The following OTOR variants were observed in gnomAD, a reference collection of about 807,000 sequenced individuals.
The protein encoded by OTOR is fibrocyte-derived protein.
In OTOR, 20 loss-of-function variants were observed where a neutral mutation model predicts 15.9. That is an observed-to-expected ratio of 1.26 (90% CI 0.89 to 1.83). The LOEUF (loss-of-function observed/expected upper bound fraction) is 1.83. Ranked by LOEUF, OTOR falls within the 40% of genes most tolerant of loss-of-function variation. The pLI is 0.00. For synonymous variants in OTOR, 53 were observed against 54.2 expected, an observed-to-expected ratio of 0.98 and a Z score of 0.09; for missense variants, 184 against 159.0, an observed-to-expected ratio of 1.16 and a Z score of -0.85.
At position 16,751,172 on chromosome 20, in the gene OTOR, C is replaced by A. The variant is rs2072526969; in HGVS notation, c.*54C>A. The A allele has an allele frequency of 2.4e-6, 3 of 1,258,334 alleles. No homozygotes were observed. Among genetic ancestry groups the A allele is most frequent in the Non-Finnish European group, 2.2e-6 (2 of 904,118 alleles). The allele number at this position is 1,258,334 out of a possible 1,614,324, so 77.9% of individuals were successfully genotyped here. A position where few individuals can be genotyped will look rare whatever the true frequency, so the allele number is the denominator to read the frequency against. The stretch of plus-strand genomic sequence containing the variant: ...AAAACACCAAAAATAAAGAAAAGAG[C>A]AAAAGTGGCCAAAAAATGCATGTCT... On this transcript the variant is annotated 3_prime_UTR_variant, in exon 4 of 4. Transcript: ENST00000246081.
Position 16,750,011 on chromosome 20 carries a change from G to A in OTOR, c.363+1G>A, listed in dbSNP as rs1483335937. 3 of 1,595,086 alleles carry A rather than the reference G, an allele frequency of 1.9e-6. No homozygotes were observed. The highest frequency in any genetic ancestry group is 1.1e-5 in the South Asian group (1 of 90,492). ...AGCTACCAAGGAAGTTCCCACCACG[G>A]TAAGCATCTCAAAAGTGACTAGACA... is the stretch of plus-strand genomic sequence containing the variant. On this transcript the variant is annotated splice_donor_variant, in intron 3 of 3. Coordinates refer to ENST00000246081, the MANE Select transcript of OTOR (RefSeq NM_020157.4). LOFTEE classifies it high-confidence loss of function.
At chr20:16,750,649 AT>A in intron 3 of OTOR, among the ~76,000 whole-genome samples, 1 of 152,290 alleles carries the variant, frequency 6.6e-6, no homozygotes, top group East Asian at 1.9e-4. Context: ...TGAATGTCTT[AT>A]TTTTGTGGTA....
rs191855856 is a variant in OTOR at position 16,751,061 on chromosome 20, C to T, written c.364-34C>T. On this transcript the variant is annotated intron_variant, in intron 3 of 3. Coordinates refer to ENST00000246081, the MANE Select transcript of OTOR (RefSeq NM_020157.4). ...TCTGTTTTTTTAGCCTAGGCTATTT[C>T]GTTCAATCTTTTTTTGTTTTTGTTT... 1.7e-4 allele frequency: 261 copies of T among 1,497,250 alleles called. 1 individual carries two copies. The African/African-American group carries it at 2.5e-3, about 15-fold the overall frequency. The allele number at this position is 1,497,250 out of a possible 1,614,324, so 92.7% of individuals were successfully genotyped here.
intron 2 of OTOR, 34 bp from the exon 3 acceptor site, chr20:16,749,869 C>A: frequency 7.0e-7 from 1 of 1,436,544 alleles, no homozygotes; most frequent in Non-Finnish European, 9.8e-7. Flanking sequence ...TCAGCATCAG[C>A]TTTTTCCTGA....
In OTOR at chr20:16,749,896, C is replaced by T. The variant is rs2072517218; in HGVS notation, c.256-7C>T. On this transcript the variant is annotated splice_polypyrimidine_tract_variant and splice_region_variant and intron_variant, in intron 2 of 3. Transcript: ENST00000246081. ...TTTTCCTGATTGCTATTCTTCTGGG[C>T]ACTTAGGTTTATGGTGATGGCCAGG... 4 of 1,590,690 alleles carry T rather than the reference C, an allele frequency of 2.5e-6. No homozygotes were observed. Among genetic ancestry groups the T allele is most frequent in the Non-Finnish European group, 3.5e-6 (4 of 1,159,016 alleles).
At chr20:16,750,705 T>C (rs760950661) in intron 3 of OTOR, among the ~76,000 whole-genome samples, 63 of 152,244 alleles carry the variant, frequency 4.1e-4, no homozygotes, top group Non-Finnish European at 8.1e-4. Context: ...CTCTTCCTAA[T>C]GCCCTGGGGT....
Position 16,749,958 on chromosome 20 carries a change from T to C in OTOR, c.311T>C (p.Leu104Ser). ...GTCGTGGGTTATTTCCCCAGGAACT[T>C]GGTCAAGGAACAGCGTGTGTACCAG... ...MGVVGYFPRN[L>S]VKEQRVYQEA... The change falls in exon 3 of 4, where the codon TTG becomes TCG. Residue 104 changes from leucine (L) to serine (S), a missense_variant. Coordinates refer to ENST00000246081, the MANE Select transcript of OTOR (RefSeq NM_020157.4). 6.2e-7 allele frequency: 1 copy of C among 1,613,912 alleles called. No homozygotes were observed. The highest frequency in any genetic ancestry group is 8.5e-7 in the Non-Finnish European group (1 of 1,179,904).
At chr20:16,750,976 T>G (rs1007703084) in intron 3 of OTOR, 119 bp from the exon 4 acceptor site, 29 of 774,026 alleles carry the variant, frequency 3.7e-5, no homozygotes, top group Non-Finnish European at 8.3e-6. Context: ...GGGGTCAACC[T>G]TTACTTACTT....
rs751672739 is a variant in OTOR, at chr20:16,748,461, A to T, written c.60A>T (p.Gly20=). Residue 20 remains glycine, a synonymous_variant, in exon 1 of 4, where the codon GGA becomes GGT. Coordinates refer to ENST00000246081, the MANE Select transcript of OTOR (RefSeq NM_020157.4). ...PGLVAVCAVH[G]IFMDRLASKK... ...TTGTGGCTGTATGTGCTGTGCATGG[A>T]ATATTTATGGACCGTCTAGCTTCCA... 17 of 1,613,670 alleles carry T rather than the reference A, an allele frequency of 1.1e-5. No individual in the cohort carries two copies. The highest frequency in any genetic ancestry group is 1.4e-5 in the Non-Finnish European group (17 of 1,179,706).
chr20:16,749,931 G>A lies in OTOR; in HGVS notation c.284G>A (p.Gly95Glu). ...SVYGDGQDEM[G>E]VVGYFPRNLV... is the part of the protein sequence containing the mutation. ...TATGGTGATGGCCAGGACGAGATGGGAGTCGTGGGTTATTTCCCCAGGAAC... is the reference window on the plus strand; with the variant it reads ...TATGGTGATGGCCAGGACGAGATGGAAGTCGTGGGTTATTTCCCCAGGAAC... Residue 95 changes from glycine to glutamate, a missense_variant, in exon 3 of 4, where the codon GGA becomes GAA. By Grantham distance (98) the Gly-to-Glu change is moderately conservative. Transcript: ENST00000246081. The A allele has an allele frequency of 3.1e-6, 5 of 1,613,726 alleles. No homozygotes were observed. Among genetic ancestry groups the A allele is most frequent in the Non-Finnish European group, 4.2e-6 (5 of 1,179,702 alleles).
chr20:16,750,080 A>T (rs987208302), intron 3 of OTOR, 70 bp downstream of exon 3: 5 of 980,130 alleles, frequency 5.1e-6, no homozygotes, highest in Non-Finnish European at 6.4e-6. Flanking sequence ...TTAAAAATGC[A>T]TCATGCAACT....
rs2072530078 is a variant in OTOR, at chr20:16,751,704, A to T, written c.*586A>T. ...GTTTGGATGATGTCTCTAATTTGTCATTTAGAAAAATCTCAAAAATGATTT... is the reference window on the plus strand; with the variant it reads ...GTTTGGATGATGTCTCTAATTTGTCTTTTAGAAAAATCTCAAAAATGATTT... On this transcript the variant is annotated 3_prime_UTR_variant, in exon 4 of 4. Transcript: ENST00000246081. 1 of 152,146 alleles carries T rather than the reference A, an allele frequency of 6.6e-6. No homozygotes were observed. Among genetic ancestry groups the T allele is most frequent in the African/African-American group, 2.4e-5 (1 of 41,426 alleles). 9.4% of individuals were successfully genotyped at this position (152,146 alleles called of 1,614,324 possible). A position where few individuals can be genotyped will look rare whatever the true frequency, so the allele number is the denominator to read the frequency against.
intron 3 of OTOR, among the ~76,000 whole-genome samples, chr20:16,750,785 T>C (rs1226204169): frequency 6.6e-6 from 1 of 152,214 alleles, no homozygotes; most frequent in African/African-American, 2.4e-5. Context: ...TTTGAAGTGA[T>C]TCTTCTGGAG....
Position 16,751,257 on chromosome 20 carries a change from G to A in OTOR, c.*139G>A, listed in dbSNP as rs1014235346. The stretch of plus-strand genomic sequence containing the variant: ...CTTACAGAAGAGCAAGGGCTTAGGG[G>A]TTGGAGGTGGCAGATAAAAGAGGAT... On this transcript the variant is annotated 3_prime_UTR_variant, in exon 4 of 4. Transcript: ENST00000246081. 3.3e-6 allele frequency: 2 copies of A among 603,210 alleles called. No individual in the cohort carries two copies. The highest frequency in any genetic ancestry group is 5.7e-6 in the Non-Finnish European group (2 of 353,056). The allele number at this position is 603,210 out of a possible 1,614,324, so 37.4% of individuals were successfully genotyped here.
chr20:16,750,676 T>C (rs1021989224), intron 3 of OTOR, among the ~76,000 whole-genome samples: 2 of 152,264 alleles, frequency 1.3e-5, no homozygotes, highest in African/African-American at 4.8e-5. Flanking sequence ...ATTCTATTTA[T>C]GTATGAAATA....
rs910945557 is a variant in OTOR at position 16,751,160 on chromosome 20, T to C, written c.*42T>C. The C allele has an allele frequency of 1.3e-4, 182 of 1,421,606 alleles. No individual in the cohort carries two copies. The highest frequency in any genetic ancestry group is 5.6e-4 in the Admixed American group (23 of 40,944). The allele number at this position is 1,421,606 out of a possible 1,614,324, so 88.1% of individuals were successfully genotyped here. ...GCAAATAGAAAGAAAACACCAAAAATAAAGAAAAGAGCAAAAGTGGCCAAA... is the reference window on the plus strand; with the variant it reads ...GCAAATAGAAAGAAAACACCAAAAACAAAGAAAAGAGCAAAAGTGGCCAAA... On this transcript the variant is annotated 3_prime_UTR_variant, in exon 4 of 4. Transcript: ENST00000246081.
At position 16,748,923 on chromosome 20, in the gene OTOR, A is replaced by G. The variant is rs760783446; in HGVS notation, c.172A>G (p.Ile58Val). Residue 58 changes from isoleucine to valine, a missense_variant, in exon 2 of 4, where the codon ATT becomes GTT. Coordinates refer to ENST00000246081, the MANE Select transcript of OTOR (RefSeq NM_020157.4). ...EDYNAPDCRF[I>V]NVKKGQQIYV... ...TTATAATGCCCCGGACTGTAGATTC[A>G]TTAACGTTAAAAAAGGGCAGCAGAT... 4.3e-6 allele frequency: 7 copies of G among 1,611,696 alleles called. No homozygotes were observed. The African/African-American group carries it at 9.4e-5, about 22-fold the overall frequency.
chr20:16,750,136 T>A, intron 3 of OTOR, 126 bp downstream of exon 3: 1 of 614,448 alleles, frequency 1.6e-6, no homozygotes, highest in Non-Finnish European at 2.9e-6. Context: ...TGGCGACTTT[T>A]CTGAGATAAT....
In OTOR at chr20:16,748,905, G is replaced by T. The variant is rs1218549086; in HGVS notation, c.154G>T (p.Ala52Ser). 4.3e-6 allele frequency: 7 copies of T among 1,609,872 alleles called. No homozygotes were observed. Among genetic ancestry groups the T allele is most frequent in the South Asian group, 1.1e-5 (1 of 90,508 alleles). Residue 52 changes from alanine (A) to serine (S), a missense_variant, in exon 2 of 4, where the codon GCC (alanine) becomes TCC (serine). By Grantham distance (99) the Ala-to-Ser change is moderately conservative (BLOSUM62 1). Coordinates refer to ENST00000246081, the MANE Select transcript of OTOR (RefSeq NM_020157.4). ...SLASAQEDYN[A>S]PDCRFINVKK... is the part of the protein sequence containing the mutation. ...GGCTAGTGCTCAAGAAGATTATAATGCCCCGGACTGTAGATTCATTAACGT... is the reference window on the plus strand; with the variant it reads ...GGCTAGTGCTCAAGAAGATTATAATTCCCCGGACTGTAGATTCATTAACGT...
Sources: gnomAD v4.1 joint callset for allele counts (sites outside exome capture counted in the v4.1 genomes callset) on GRCh38, gnomAD v4.1.1 for gene constraint, MANE v1.5 for transcripts, NCBI Gene and HGNC (gene_info 2026-07-23, HGNC 2026-07-21) for gene names.